RGS6: variants seen among roughly 807,000 people sequenced by gnomAD.
RGS6 encodes regulator of G protein signaling 6.
Under a neutral mutation model 78.5 loss-of-function variants are expected in RGS6, and 30 were observed. That is an observed-to-expected ratio of 0.38 (90% CI 0.29 to 0.52). The LOEUF is 0.52. Among genes scored for constraint, RGS6 ranks in the 20% least tolerant of loss-of-function variants. The pLI is 0.85. For missense variants in RGS6, 495 were observed against 609.7 expected (o/e 0.81, Z 1.98); for synonymous variants, 206 against 206.0 (o/e 1.00, Z 0.00).
chr14:72,504,639 T>C (rs1381535103), intron 13 of RGS6, among the ~76,000 whole-genome samples: 26 of 152,162 alleles, frequency 1.7e-4, no homozygotes. Context: ...TTTATAGCTC[T>C]CCTCTTTACT....
chr14:71,939,267 C>G (rs561533574), intron 1 of RGS6, among the ~76,000 whole-genome samples: 1 of 152,190 alleles, frequency 6.6e-6, no homozygotes, highest in South Asian at 2.1e-4. Context: ...ACAGGCCCCA[C>G]ACCACTGGAC....
intron 2 of RGS6, among the ~76,000 whole-genome samples, chr14:72,287,043 C>T (rs1567668182): frequency 6.6e-6 from 1 of 152,318 alleles, no homozygotes; most frequent in Non-Finnish European, 1.5e-5. Flanking sequence ...CTTGGCCTCC[C>T]AAAGTGCTGG....
intron 3 of RGS6, among the ~76,000 whole-genome samples, chr14:72,416,211 A>G (rs1359719121): frequency 6.6e-6 from 1 of 152,156 alleles, no homozygotes; most frequent in African/African-American, 2.4e-5. Flanking sequence ...AAGAATCTAA[A>G]TAAATAACAG....
intron 1 of RGS6, among the ~76,000 whole-genome samples, chr14:71,954,228 A>G (rs1203503113): frequency 6.6e-6 from 1 of 151,470 alleles, no homozygotes; most frequent in East Asian, 1.9e-4. Flanking sequence ...TTAATTTTGG[A>G]AAGTTCTCCG....
At chr14:72,133,974 A>C (rs2153597965) in intron 2 of RGS6, among the ~76,000 whole-genome samples, 1 of 152,310 alleles carries the variant, frequency 6.6e-6, no homozygotes, top group South Asian at 2.1e-4. Flanking sequence ...TTCCCAACCC[A>C]GACATAGCAT....
the RGS6 span, among the ~76,000 whole-genome samples, chr14:71,894,945 G>T: frequency 6.6e-6 from 1 of 151,448 alleles, no homozygotes. Flanking sequence ...TGTATTTTTA[G>T]TAGAGACAGG....
chr14:72,464,863 A>G (rs1315317456), intron 6 of RGS6: 3 of 152,246 alleles, frequency 2.0e-5, no homozygotes, highest in Non-Finnish European at 4.4e-5. Context: ...AAGACAGGCT[A>G]TGGTGCTAGC....
intron 2 of RGS6, among the ~76,000 whole-genome samples, chr14:72,175,442 T>C (rs925843441): frequency 6.6e-6 from 1 of 152,216 alleles, no homozygotes; most frequent in African/African-American, 2.4e-5. Flanking sequence ...CTATACTGAC[T>C]TGTTTTCTTC....
intron 2 of RGS6, among the ~76,000 whole-genome samples, chr14:72,133,314 A>T (rs1212333535): frequency 6.6e-6 from 1 of 151,286 alleles, no homozygotes; most frequent in Non-Finnish European, 1.5e-5. Flanking sequence ...CTGCTGTTTT[A>T]TGGATGTCAA....
intron 2 of RGS6, among the ~76,000 whole-genome samples, chr14:72,117,586 A>G (rs747143718): frequency 1.2e-4 from 19 of 152,106 alleles, no homozygotes; most frequent in Non-Finnish European, 2.8e-4. Flanking sequence ...CCTTTATAAC[A>G]ATGCAAAAGG....
At chr14:72,107,571 A>T (rs2332754) in intron 2 of RGS6, among the ~76,000 whole-genome samples, 1,708 of 152,266 alleles carry the variant, frequency 0.011, 32 homozygotes, top group African/African-American at 0.039. Context: ...TTTTTTACTG[A>T]GTCTTTTCAA....
intron 2 of RGS6, among the ~76,000 whole-genome samples, chr14:72,287,686 G>T (rs548680409): frequency 2.0e-5 from 3 of 152,294 alleles, no homozygotes; most frequent in African/African-American, 7.2e-5. Flanking sequence ...TCAAACTCCC[G>T]ACCTCAGGTG....
At chr14:72,495,320 C>T in intron 13 of RGS6, 58 bp downstream of exon 13, 1 of 1,040,472 alleles carries the variant, frequency 9.6e-7, no homozygotes, top group Non-Finnish European at 1.5e-6. Context: ...TCCATGAGAT[C>T]ATGAGATTAC....
the RGS6 span, among the ~76,000 whole-genome samples, chr14:71,874,012 G>A: frequency 6.6e-6 from 1 of 152,040 alleles, no homozygotes; most frequent in East Asian, 1.9e-4. Flanking sequence ...TCTCTGTTTT[G>A]GTACCAACAC....
downstream of RGS6, among the ~76,000 whole-genome samples, chr14:72,568,770 A>C (rs576907599): frequency 4.9e-4 from 74 of 152,252 alleles, 1 homozygote; most frequent in Admixed American, 7.8e-4. Context: ...GTTCCAAAAT[A>C]CTCAATTTCA....
the RGS6 span, chr14:72,629,544 A>G: frequency 7.5e-7 from 1 of 1,340,510 alleles, no homozygotes. Flanking sequence ...TAGTGACAAG[A>G]GTCCTTCCTT....
chr14:72,507,231 A>G (rs933708035), intron 13 of RGS6, among the ~76,000 whole-genome samples: 2 of 152,108 alleles, frequency 1.3e-5, no homozygotes, highest in Non-Finnish European at 2.9e-5. Flanking sequence ...ATGTGGAGAC[A>G]CAGAAACACA....
At chr14:72,249,232 G>C (rs1008413953) in intron 2 of RGS6, among the ~76,000 whole-genome samples, 1 of 152,148 alleles carries the variant, frequency 6.6e-6, no homozygotes, top group African/African-American at 2.4e-5. Flanking sequence ...GAAAGTTATA[G>C]GGAAAGGCCT....
intron 3 of RGS6, among the ~76,000 whole-genome samples, chr14:72,394,664 T>C (rs549589999): frequency 6.6e-5 from 10 of 152,340 alleles, no homozygotes; most frequent in African/African-American, 2.2e-4. Context: ...TCCTTGAACA[T>C]TGCTGTTATC....
Sources: allele counts gnomAD v4.1 joint callset (sites outside exome capture counted in the v4.1 genomes callset), GRCh38; gene constraint gnomAD v4.1.1; transcripts MANE v1.5; gene names NCBI Gene and HGNC (gene_info 2026-07-23, HGNC 2026-07-21).